The following MMRN1 variants were observed in gnomAD, a reference collection of about 807,000 sequenced individuals.
MMRN1 encodes the protein multimerin 1.
MMRN1 carries 94 observed loss-of-function variants against 100.7 expected under a neutral mutation model. That is an observed-to-expected ratio of 0.93 (90% CI 0.79 to 1.11). MMRN1 has a LOEUF of 1.11. Among genes scored for constraint, MMRN1 ranks in the 50% least tolerant of loss-of-function variants. The probability of loss-of-function intolerance (pLI) is 0.00; values close to 1 mark genes in which losing one functional copy is unlikely to be tolerated. For synonymous variants in MMRN1, 575 were observed against 505.0 expected (o/e 1.14, Z -1.86); for missense variants, 1,606 against 1,439.1 (o/e 1.12, Z -1.88).
chr4:89,932,048 T>C (rs1560592727), intron 5 of MMRN1, among the ~76,000 whole-genome samples: 1 of 152,110 alleles, frequency 6.6e-6, no homozygotes, highest in Non-Finnish European at 1.5e-5. Context: ...TATGAACCTG[T>C]AAAATCAAAA....
chr4:89,921,235 C>T (rs1722078099), intron 3 of MMRN1, among the ~76,000 whole-genome samples: 1 of 152,002 alleles, frequency 6.6e-6, no homozygotes, highest in African/African-American at 2.4e-5. Flanking sequence ...CTGTTAAATT[C>T]ACCTGTTCTT....
At chr4:89,894,642 T>A (rs147078960), upstream of MMRN1, 682 of 189,316 alleles carry the variant, frequency 3.6e-3, 8 homozygotes, top group African/African-American at 0.015. Context: ...AACCAGGGTG[T>A]GCTCAGGAAA....
At chr4:89,888,866 A>G (rs1720991500) in intron 1 of MMRN1, among the ~76,000 whole-genome samples, 1 of 152,050 alleles carries the variant, frequency 6.6e-6, no homozygotes, top group Non-Finnish European at 1.5e-5. Context: ...ACATTCTATC[A>G]TAGTTATTTG....
chr4:89,901,851 G>T (rs921762584), intron 1 of MMRN1: 1 of 151,818 alleles, frequency 6.6e-6, no homozygotes, highest in Admixed American at 6.6e-5. Flanking sequence ...AATTAAGTGG[G>T]AACTTTTTGT....
At chr4:89,882,227 ATTG>A (rs1482437836) in intron 1 of MMRN1, among the ~76,000 whole-genome samples, 1 of 151,476 alleles carries the variant, frequency 6.6e-6, no homozygotes, top group Non-Finnish European at 1.5e-5. Flanking sequence ...ATGAGTTTTT[ATTG>A]TTGTTGTCTC....
At chr4:89,948,636 T>G (rs934710943) in intron 6 of MMRN1, among the ~76,000 whole-genome samples, 1 of 152,176 alleles carries the variant, frequency 6.6e-6, no homozygotes, top group African/African-American at 2.4e-5. Flanking sequence ...AACTAGCAAT[T>G]GCTACCATAA....
chr4:89,935,965 A>G lies in MMRN1; in HGVS notation c.2285A>G (p.His762Arg), dbSNP rs771988751. 5.0e-6 allele frequency: 8 copies of G among 1,612,428 alleles called. No individual in the cohort carries two copies. In the Admixed American group the frequency reaches 1.2e-4, roughly 24 times the overall value. Residue 762 changes from histidine to arginine, a missense_variant, in exon 6 of 8, where the codon CAT (histidine) becomes CGT (arginine). By Grantham distance (29) the His-to-Arg change is conservative. Transcript: ENST00000264790. The stretch of plus-strand genomic sequence containing the variant: ...ACTATTAAGGATAATAGTGAGATCC[A>G]TCATAAATGTACCTCCGATATGGAA... Reference protein sequence around the residue: ...LSTIKDNSEIHHKCTSDMETI... With the variant: ...LSTIKDNSEIRHKCTSDMETI...
At chr4:89,905,115 C>T (rs1171200839) in intron 1 of MMRN1, among the ~76,000 whole-genome samples, 2 of 151,462 alleles carry the variant, frequency 1.3e-5, no homozygotes, top group African/African-American at 4.8e-5. Flanking sequence ...AAATATAAGA[C>T]TAACTTTTAT....
rs201798101 is a variant in MMRN1, at chr4:89,953,309, T to C, written c.3578T>C (p.Leu1193Ser). 9.9e-5 allele frequency: 159 copies of C among 1,613,718 alleles called. No individual in the cohort carries two copies. In the Middle Eastern group the frequency reaches 6.2e-3, roughly 63 times the overall value. Residue 1193 changes from leucine (L) to serine (S), a missense_variant, in exon 8 of 8, where the codon TTA becomes TCA. Coordinates refer to ENST00000264790, the MANE Select transcript of MMRN1 (RefSeq NM_007351.3). ...CDRVLTGDAL[L>S]ELNYGQEVWL... ...AGGGTTTTAACTGGGGATGCCTTAT[T>C]AGAATTAAATTATGGGCAGGAAGTC...
intron 5 of MMRN1, among the ~76,000 whole-genome samples, chr4:89,929,439 C>G (rs957597716): frequency 6.6e-6 from 1 of 152,046 alleles, no homozygotes; most frequent in Non-Finnish European, 1.5e-5. Context: ...TATGGCCCAA[C>G]CTTACCAATG....
At chr4:89,882,835 C>T (rs1176646225) in intron 1 of MMRN1, among the ~76,000 whole-genome samples, 1 of 151,888 alleles carries the variant, frequency 6.6e-6, no homozygotes. Context: ...TTGCATTCTA[C>T]TCAGAATCTA....
chr4:89,883,649 T>C (rs181310914), intron 1 of MMRN1, among the ~76,000 whole-genome samples: 2 of 152,266 alleles, frequency 1.3e-5, no homozygotes, highest in Admixed American at 6.5e-5. Flanking sequence ...TGGAGTAATT[T>C]GTTCAAATAT....
At chr4:89,911,628 G>T in intron 2 of MMRN1, among the ~76,000 whole-genome samples, 1 of 151,176 alleles carries the variant, frequency 6.6e-6, no homozygotes. Context: ...TTTAAAATTG[G>T]AATGAAAATA....
In MMRN1 at chr4:89,906,076, A is replaced by C. The variant is rs563992077; in HGVS notation, c.624-3200A>C. Among the ~76,000 whole-genome samples the C allele has an allele frequency of 4.6e-5, 7 of 151,620 alleles. No individual in the cohort carries two copies. In the South Asian group the frequency reaches 1.5e-3, roughly 31 times the overall value. Reference sequence around the variant, plus strand: ...TTTTTGCTTCAGTCCTCTCTCACTCAGTTCAGGATAAGAATTGGTATGACT... The same window carrying C: ...TTTTTGCTTCAGTCCTCTCTCACTCCGTTCAGGATAAGAATTGGTATGACT... On this transcript the variant is annotated intron_variant, in intron 1 of 7. Coordinates refer to ENST00000264790, the MANE Select transcript of MMRN1 (RefSeq NM_007351.3).
chr4:89,927,472 C>T (rs1722298189), intron 4 of MMRN1, among the ~76,000 whole-genome samples: 1 of 152,058 alleles, frequency 6.6e-6, no homozygotes, highest in African/African-American at 2.4e-5. Context: ...TTGTATCCTG[C>T]AATTTTACTG....
chr4:89,895,181 G>A lies in MMRN1; in HGVS notation c.210G>A (p.Glu70=). ...CGGCGGAGATAGCTACAACTCCAGA[G>A]GCAAGAACTTCTGAAGACAGTCTTC... ...VMSAEIATTP[E]ARTSEDSLLK... Residue 70 remains glutamate, a synonymous_variant, in exon 1 of 8, where the codon GAG becomes GAA. Coordinates refer to ENST00000264790, the MANE Select transcript of MMRN1 (RefSeq NM_007351.3). 9 of 1,613,806 alleles carry A rather than the reference G, an allele frequency of 5.6e-6. No individual in the cohort carries two copies. The highest frequency in any genetic ancestry group is 6.8e-6 in the Non-Finnish European group (8 of 1,179,916).
In MMRN1 at chr4:89,936,611, T is replaced by C; in HGVS notation, c.2931T>C (p.Ala977=). 6.2e-7 allele frequency: 1 copy of C among 1,612,396 alleles called. No homozygotes were observed. Among genetic ancestry groups the C allele is most frequent in the Non-Finnish European group, 8.5e-7 (1 of 1,179,372 alleles). Residue 977 remains alanine (A), a synonymous_variant, in exon 6 of 8, where the codon GCT becomes GCC. Transcript: ENST00000264790. ...VEPIIQIKTQ[A]ALSNLTCCID... ...CAATAATTCAAATAAAAACTCAAGC[T>C]GCCCTATCTAATTTAACTTGTTGTA...
chr4:89,915,351 A>G (rs1169393416), intron 3 of MMRN1, among the ~76,000 whole-genome samples: 1 of 151,534 alleles, frequency 6.6e-6, no homozygotes, highest in Non-Finnish European at 1.5e-5. Flanking sequence ...CAAACTGCCT[A>G]CTTCAATTTA....
At chr4:89,886,644 A>G (rs1720942592) in intron 1 of MMRN1, among the ~76,000 whole-genome samples, 1 of 152,168 alleles carries the variant, frequency 6.6e-6, no homozygotes, top group Admixed American at 6.6e-5. Context: ...ATCTCTGACT[A>G]TGATATTAGA....
Sources: gnomAD v4.1 joint callset for allele counts (sites outside exome capture counted in the v4.1 genomes callset) on GRCh38, gnomAD v4.1.1 for gene constraint, MANE v1.5 for transcripts, NCBI Gene and HGNC (gene_info 2026-07-23, HGNC 2026-07-21) for gene names.